RABGAP1L: variants seen among roughly 807,000 people sequenced by gnomAD.
The protein encoded by RABGAP1L is rab GTPase-activating protein 1-like.
Under a neutral mutation model 137.7 loss-of-function variants are expected in RABGAP1L, and 63 were observed. The ratio of observed to expected loss-of-function variants is 0.46; its 90% CI spans 0.37 to 0.56. The LOEUF is 0.56. Among genes scored for constraint, RABGAP1L ranks in the 20% least tolerant of loss-of-function variants. The pLI is 0.00. For synonymous variants in RABGAP1L, 431 were observed against 433.7 expected (o/e 0.99, Z 0.08); for missense variants, 1,095 against 1,244.0 (o/e 0.88, Z 1.80).
intron 18 of RABGAP1L, chr1:174,800,143 T>C: frequency 7.2e-7 from 1 of 1,392,324 alleles, no homozygotes; most frequent in East Asian, 2.7e-5. Context: ...TCCAGTCTAC[T>C]TTGGGGTTCT....
rs534944239 is a variant in RABGAP1L, at chr1:174,490,840, C to T, written c.1710+96695C>T. ...CCACAAGCAGAGGAGCCTCAGCCCA[C>T]GGCCATCACCAACACAGGCCCATGG... On this transcript the variant is annotated intron_variant, in intron 13 of 25. Coordinates refer to ENST00000681986, the MANE Select transcript of RABGAP1L (RefSeq NM_001366446.1). 5.3e-5 allele frequency among the ~76,000 whole-genome samples: 8 copies of T among 152,178 alleles called. No homozygotes were observed. The East Asian group carries it at 5.8e-4, about 11-fold the overall frequency.
At chr1:174,449,221 TG>T in intron 13 of RABGAP1L, 1 of 1,527,564 alleles carries the variant, frequency 6.5e-7, no homozygotes, top group South Asian at 1.3e-5. Flanking sequence ...GTAAATCAAA[TG>T]TAATCTGACA....
chr1:174,352,953 G>T (rs147317520), intron 11 of RABGAP1L, among the ~76,000 whole-genome samples: 59 of 152,274 alleles, frequency 3.9e-4, no homozygotes, highest in African/African-American at 1.4e-3. Flanking sequence ...TGTGTGCTGA[G>T]CTACCTGGTG....
At chr1:174,252,454 A>T in intron 6 of RABGAP1L, 26 bp from the exon 7 acceptor site, 1 of 1,591,678 alleles carries the variant, frequency 6.3e-7, no homozygotes, top group Non-Finnish European at 8.5e-7. Flanking sequence ...ATTATTGGTA[A>T]TTCCTATTCC....
chr1:174,508,130 A>G (rs1193828566), intron 13 of RABGAP1L, among the ~76,000 whole-genome samples: 1 of 152,156 alleles, frequency 6.6e-6, no homozygotes, highest in Non-Finnish European at 1.5e-5. Flanking sequence ...ATTTGTGCTA[A>G]GTGATAATAA....
At chr1:174,553,913 C>T (rs777099276) in intron 13 of RABGAP1L, among the ~76,000 whole-genome samples, 6 of 151,996 alleles carry the variant, frequency 3.9e-5, no homozygotes, top group African/African-American at 4.8e-5. Flanking sequence ...GAATTTGGGC[C>T]GGGGAGGTCG....
At chr1:174,539,842 G>C (rs1665220588) in intron 13 of RABGAP1L, among the ~76,000 whole-genome samples, 2 of 152,152 alleles carry the variant, frequency 1.3e-5, no homozygotes, top group Non-Finnish European at 2.9e-5. Context: ...GGTATTTCTA[G>C]TTCTAGATCA....
intron 1 of RABGAP1L, among the ~76,000 whole-genome samples, chr1:174,213,666 G>A (rs766980450): frequency 2.0e-5 from 3 of 152,080 alleles, no homozygotes; most frequent in Non-Finnish European, 2.9e-5. Context: ...TGCAAATATG[G>A]TTCAACAGAC....
At chr1:174,680,918 C>T (rs538171963) in intron 14 of RABGAP1L, among the ~76,000 whole-genome samples, 23 of 152,074 alleles carry the variant, frequency 1.5e-4, no homozygotes, top group Non-Finnish European at 2.6e-4. Flanking sequence ...ATCAGCAACA[C>T]ATAATTGGGC....
At chr1:174,336,845 G>A (rs1206990992) in intron 11 of RABGAP1L, among the ~76,000 whole-genome samples, 1 of 147,956 alleles carries the variant, frequency 6.8e-6, no homozygotes, top group Non-Finnish European at 1.5e-5. Context: ...TAATTTCAGT[G>A]TTTATAAATG....
At chr1:174,474,703 A>G (rs1003086246) in intron 13 of RABGAP1L, among the ~76,000 whole-genome samples, 1 of 152,144 alleles carries the variant, frequency 6.6e-6, no homozygotes, top group African/African-American at 2.4e-5. Context: ...CCTGGGTTCC[A>G]GTGATTCTCC....
At chr1:174,597,840 G>T (rs79568238) in intron 13 of RABGAP1L, among the ~76,000 whole-genome samples, 1 of 152,050 alleles carries the variant, frequency 6.6e-6, no homozygotes, top group Non-Finnish European at 1.5e-5. Flanking sequence ...AGATATTGGT[G>T]TGTTGGGTTT....
At chr1:174,799,748 C>G in intron 18 of RABGAP1L, 1 of 742,734 alleles carries the variant, frequency 1.3e-6, no homozygotes, top group Non-Finnish European at 1.6e-6. Context: ...ATTACTGATT[C>G]ACAGCGAGAG....
At chr1:174,588,146 A>G (rs567996085) in intron 13 of RABGAP1L, among the ~76,000 whole-genome samples, 23 of 151,928 alleles carry the variant, frequency 1.5e-4, no homozygotes. Context: ...GATTACAGGC[A>G]TGAGCCACCA....
chr1:174,809,101 C>T (rs977681448), intron 18 of RABGAP1L, among the ~76,000 whole-genome samples: 1 of 152,194 alleles, frequency 6.6e-6, no homozygotes, highest in Non-Finnish European at 1.5e-5. Context: ...GTCAAGTACT[C>T]CAGAGGCTGA....
intron 19 of RABGAP1L, among the ~76,000 whole-genome samples, chr1:174,894,781 G>A (rs116138190): frequency 0.011 from 1,707 of 152,126 alleles, 36 homozygotes; most frequent in African/African-American, 0.04. Context: ...GTGTTTTTGA[G>A]ACAGTTGCTC....
intron 13 of RABGAP1L, among the ~76,000 whole-genome samples, chr1:174,618,209 T>C (rs1200087975): frequency 6.6e-6 from 1 of 152,182 alleles, no homozygotes; most frequent in Admixed American, 6.5e-5. Context: ...AGACTCCACC[T>C]CTGGGGGCAC....
intron 20 of RABGAP1L, among the ~76,000 whole-genome samples, chr1:174,966,751 A>G (rs1371209941): frequency 1.3e-5 from 2 of 152,214 alleles, no homozygotes; most frequent in Non-Finnish European, 2.9e-5. Context: ...CTTCTCAGGA[A>G]CATCTAGGGA....
At chr1:174,177,047 G>A (rs964614844) in intron 1 of RABGAP1L, among the ~76,000 whole-genome samples, 7 of 152,178 alleles carry the variant, frequency 4.6e-5, no homozygotes, top group African/African-American at 1.7e-4. Flanking sequence ...CTGGACTCCA[G>A]CCTGGGCGAC....
Sources: allele counts gnomAD v4.1 joint callset (sites outside exome capture counted in the v4.1 genomes callset), GRCh38; gene constraint gnomAD v4.1.1; transcripts MANE v1.5; gene names NCBI Gene and HGNC (gene_info 2026-07-23, HGNC 2026-07-21).